Variants in ZFYVE28 observed in about 807,000 individuals in gnomAD.
ZFYVE28 encodes the protein zinc finger FYVE-type containing 28, also known as lateral signaling target protein 2 homolog.
Under a neutral mutation model 82.1 loss-of-function variants are expected in ZFYVE28, and 40 were observed. The observed-to-expected ratio is 0.49, with a 90% confidence interval of 0.38 to 0.63. ZFYVE28 has a LOEUF of 0.63. ZFYVE28 is among the 30% of genes least tolerant of loss of function. ZFYVE28 has a pLI of 0.00. For synonymous variants in ZFYVE28, 612 were observed against 546.1 expected (o/e 1.12, Z -1.68); for missense variants, 1,321 against 1,242.1 (o/e 1.06, Z -0.96).
chr4:2,287,315 C>G (rs1220463032), intron 8 of ZFYVE28: 1 of 152,312 alleles, frequency 6.6e-6, no homozygotes, highest in Non-Finnish European at 1.5e-5. Flanking sequence ...TGGTCCAGAG[C>G]TTTGCTGCCT....
At chr4:2,400,559 A>G (rs887737229) in intron 1 of ZFYVE28, among the ~76,000 whole-genome samples, 23 of 152,134 alleles carry the variant, frequency 1.5e-4, no homozygotes, top group African/African-American at 5.3e-4. Flanking sequence ...AATAGGATAC[A>G]TATATATAAA....
intron 1 of ZFYVE28, among the ~76,000 whole-genome samples, chr4:2,387,490 C>T (rs1729401165): frequency 1.3e-5 from 2 of 152,188 alleles, no homozygotes; most frequent in East Asian, 1.9e-4. Context: ...AGGGATGTGC[C>T]GCCCCACTTG....
intron 8 of ZFYVE28, among the ~76,000 whole-genome samples, chr4:2,274,831 C>T (rs1022812203): frequency 7.0e-6 from 1 of 142,046 alleles, no homozygotes; most frequent in African/African-American, 3.1e-5. Context: ...ACCGGAGACG[C>T]GGCCCCAACC....
intron 8 of ZFYVE28, among the ~76,000 whole-genome samples, chr4:2,296,689 C>T (rs554501184): frequency 4.6e-5 from 7 of 152,226 alleles, no homozygotes; most frequent in African/African-American, 4.8e-5. Context: ...AAATGGCAGC[C>T]GTGTGAGCCT....
chr4:2,403,638 G>A (rs924677719), intron 1 of ZFYVE28, among the ~76,000 whole-genome samples: 2 of 152,130 alleles, frequency 1.3e-5, no homozygotes, highest in African/African-American at 2.4e-5. Flanking sequence ...AGCACTCACC[G>A]ACCCCGCCTC....
rs1409670090 is a variant in ZFYVE28 at position 2,270,338 on chromosome 4, TCAC to T, written c.*384_*386del. ...GTGGCCCTTGCTCCGGCTTCCAGAT[TCAC>T]CGCAACAGCAGAGGCGCAGAGTGGC... On this transcript the variant is annotated 3_prime_UTR_variant, in exon 13 of 13. Transcript: ENST00000290974. 1 of 205,604 alleles carries T rather than the reference TCAC, an allele frequency of 4.9e-6. No homozygotes were observed. Among genetic ancestry groups the T allele is most frequent in the Non-Finnish European group, 9.1e-6 (1 of 109,996 alleles). The allele number at this position is 205,604 out of a possible 1,614,324, so 12.7% of individuals were successfully genotyped here. A position where few individuals can be genotyped will look rare whatever the true frequency, so the allele number is the denominator to read the frequency against.
intron 2 of ZFYVE28, among the ~76,000 whole-genome samples, chr4:2,351,086 C>T (rs553167681): frequency 2.2e-4 from 34 of 152,324 alleles, no homozygotes; most frequent in South Asian, 8.3e-4. Context: ...GCACAGACCA[C>T]ACCTGGACTT....
At chr4:2,316,773 A>G (rs1578054645) in intron 7 of ZFYVE28, among the ~76,000 whole-genome samples, 1 of 151,230 alleles carries the variant, frequency 6.6e-6, no homozygotes, top group African/African-American at 2.4e-5. Context: ...GCTCACTGCA[A>G]CCTCTGCCTC....
intron 3 of ZFYVE28, among the ~76,000 whole-genome samples, chr4:2,340,309 GCGAGGCAGCTCCC>G (rs1207383817): frequency 2.0e-5 from 3 of 152,192 alleles, no homozygotes; most frequent in Non-Finnish European, 4.4e-5. Context: ...CCTGGGTGCT[GCGAGGCAGCTCCC>G]CAGCGTGCGC....
rs576650043 is a variant in ZFYVE28 at position 2,357,234 on chromosome 4, G to A, written c.40-3161C>T. On this transcript the variant is annotated intron_variant, in intron 1 of 12. Coordinates refer to ENST00000290974, the MANE Select transcript of ZFYVE28 (RefSeq NM_020972.3). ...TTCTGACCTTGCTTATGGGGTGACC[G>A]CCAGCTTCCCCTCCCCTAGAATTCT... Among the ~76,000 whole-genome samples the A allele has an allele frequency of 1.1e-4, 17 of 152,252 alleles. No homozygotes were observed. The South Asian group carries it at 3.1e-3, about 28-fold the overall frequency.
chr4:2,335,932 C>T lies in ZFYVE28; in HGVS notation c.612-138G>A. 1.5e-6 allele frequency: 1 copy of T among 678,188 alleles called. No individual in the cohort carries two copies. Among genetic ancestry groups the T allele is most frequent in the Non-Finnish European group, 2.6e-6 (1 of 379,130 alleles). The allele number at this position is 678,188 out of a possible 1,614,324, so 42.0% of individuals were successfully genotyped here. A position where few individuals can be genotyped will look rare whatever the true frequency, so the allele number is the denominator to read the frequency against. On this transcript the variant is annotated intron_variant, in intron 5 of 12. Transcript: ENST00000290974. This position sits in a 1 kb window ranked among gnomAD's most constrained non-coding sequence, Gnocchi z 5.8. ...TGGCCACGTCAAGAGGTGACACATG[C>T]CACCCCCAGTCCTCATATGTGCAAG...
chr4:2,392,284 T>A (rs1411447273), intron 1 of ZFYVE28, among the ~76,000 whole-genome samples: 1 of 152,182 alleles, frequency 6.6e-6, no homozygotes, highest in Non-Finnish European at 1.5e-5. Context: ...CCTGGCTGGA[T>A]GGCACCATCT....
chr4:2,289,837 T>C (rs902436905), intron 8 of ZFYVE28, among the ~76,000 whole-genome samples: 2 of 152,054 alleles, frequency 1.3e-5, no homozygotes, highest in Non-Finnish European at 2.9e-5. Flanking sequence ...GAGATGTCTC[T>C]GGTCAGTCAT....
At chr4:2,355,337 A>G (rs1279995837) in intron 1 of ZFYVE28, among the ~76,000 whole-genome samples, 1 of 130,408 alleles carries the variant, frequency 7.7e-6, no homozygotes, top group African/African-American at 2.9e-5. Context: ...GCTGGAGTGC[A>G]GTGGCGTGAT....
At chr4:2,283,788 C>T (rs1279598893) in intron 8 of ZFYVE28, among the ~76,000 whole-genome samples, 1 of 152,226 alleles carries the variant, frequency 6.6e-6, no homozygotes, top group African/African-American at 2.4e-5. Context: ...GGAGACTCCT[C>T]ACTCAGGCTG....
chr4:2,354,349 G>T (rs924440167), intron 1 of ZFYVE28, among the ~76,000 whole-genome samples: 26 of 152,028 alleles, frequency 1.7e-4, no homozygotes, highest in African/African-American at 6.3e-4. Context: ...CTGCACCCCA[G>T]ACACAAGGTC....
intron 7 of ZFYVE28, among the ~76,000 whole-genome samples, chr4:2,314,843 AT>A (rs1191732100): frequency 4.6e-5 from 7 of 152,208 alleles, no homozygotes; most frequent in Non-Finnish European, 7.3e-5. Flanking sequence ...CAGTGGCACA[AT>A]CATAGCTCAC....
chr4:2,298,821 G>A (rs147360325), intron 8 of ZFYVE28, among the ~76,000 whole-genome samples: 239 of 152,296 alleles, frequency 1.6e-3, no homozygotes, highest in African/African-American at 5.3e-3. Context: ...CACAGCCTCC[G>A]TCAGTCCCAC....
chr4:2,374,636 GAGA>G (rs1488148608), intron 1 of ZFYVE28, among the ~76,000 whole-genome samples: 1 of 151,994 alleles, frequency 6.6e-6, no homozygotes, highest in Non-Finnish European at 1.5e-5. Flanking sequence ...GAAGAAGAAG[GAGA>G]AGGAGAAGGA....
Sources: allele counts gnomAD v4.1 joint callset (sites outside exome capture counted in the v4.1 genomes callset), GRCh38; gene constraint gnomAD v4.1.1; non-coding constraint Gnocchi (gnomAD v3.1); transcripts MANE v1.5; gene names NCBI Gene and HGNC (gene_info 2026-07-23, HGNC 2026-07-21).